PHC2: variants seen among roughly 807,000 people sequenced by gnomAD.
PHC2 encodes the protein polyhomeotic homolog 2, also known as polyhomeotic-like protein 2.
Under a neutral mutation model 87.4 loss-of-function variants are expected in PHC2, and 29 were observed. The ratio of observed to expected loss-of-function variants is 0.33; its 90% CI spans 0.25 to 0.45. The LOEUF (loss-of-function observed/expected upper bound fraction) is 0.45, where lower values mean the gene tolerates loss of function less well. PHC2 is among the 20% of genes least tolerant of loss of function. PHC2 has a pLI of 1.00. For synonymous variants in PHC2, 438 were observed against 461.7 expected, an observed-to-expected ratio of 0.95 and a Z score of 0.66; for missense variants, 857 against 1,136.7, an observed-to-expected ratio of 0.75 and a Z score of 3.54.
chr1:33,329,475 TAAG>T (rs1224521285), intron 13 of PHC2, among the ~76,000 whole-genome samples: 3 of 138,790 alleles, frequency 2.2e-5, no homozygotes, highest in African/African-American at 3.1e-5. Flanking sequence ...GGACCATTCT[TAAG>T]GAGGTTTAAG....
rs1204772882 is a variant in PHC2 at position 33,331,596 on chromosome 1, C to G, written c.1892-134G>C. 2.6e-5 allele frequency: 16 copies of G among 612,188 alleles called. No individual in the cohort carries two copies. Among genetic ancestry groups the G allele is most frequent in the Non-Finnish European group, 3.5e-5 (12 of 338,204 alleles). 37.9% of individuals were successfully genotyped at this position (612,188 alleles called of 1,614,324 possible). A position where few individuals can be genotyped will look rare whatever the true frequency, so the allele number is the denominator to read the frequency against. On this transcript the variant is annotated intron_variant, in intron 11 of 14. Coordinates refer to ENST00000683057, the MANE Select transcript of PHC2 (RefSeq NM_001385109.1). The surrounding 1 kb of genome is among the most constrained non-coding windows in gnomAD (Gnocchi z 5.2). ...CACAGCTGTGACATACAGCAGCATT[C>G]TAGCATGGAAAATGCCAGTGGTTCT...
At chr1:33,330,361 TTTGGG>T in intron 12 of PHC2, 149 bp from the exon 13 acceptor site, 1 of 828,852 alleles carries the variant, frequency 1.2e-6, no homozygotes, top group East Asian at 2.6e-5. Context: ...GCTGTGTGAC[TTTGGG>T]TTTAAGTCAC....
At chr1:33,370,091 A>G (rs1647727617) in intron 5 of PHC2, among the ~76,000 whole-genome samples, 1 of 152,066 alleles carries the variant, frequency 6.6e-6, no homozygotes, top group South Asian at 2.1e-4. Context: ...GGTGTCCAGG[A>G]CCACCTGGGC....
At chr1:33,337,409 C>T (rs1646662466) in intron 9 of PHC2, among the ~76,000 whole-genome samples, 1 of 152,208 alleles carries the variant, frequency 6.6e-6, no homozygotes, top group African/African-American at 2.4e-5. Context: ...TCGTTCTGTT[C>T]CTTAAACTCA....
At chr1:33,326,807 CTG>C (rs1376311072) in intron 14 of PHC2, among the ~76,000 whole-genome samples, 1 of 152,056 alleles carries the variant, frequency 6.6e-6, no homozygotes, top group Non-Finnish European at 1.5e-5. Flanking sequence ...CAAAAATTAG[CTG>C]TGTGTGGTGG....
intron 7 of PHC2, among the ~76,000 whole-genome samples, chr1:33,356,261 ATATATATATATATATG>A (rs1371100063): frequency 2.3e-5 from 2 of 85,702 alleles, no homozygotes; most frequent in East Asian, 3.5e-4. Flanking sequence ...ATATATATAT[ATATATATATATATATG>A]TATATATATA....
chr1:33,353,737 C>G (rs1487740912), intron 9 of PHC2, among the ~76,000 whole-genome samples: 1 of 152,186 alleles, frequency 6.6e-6, no homozygotes, highest in African/African-American at 2.4e-5. Flanking sequence ...TCTGGGCCAA[C>G]AGTGCTGTGC....
chr1:33,407,012 A>T (rs995949751), intron 1 of PHC2, among the ~76,000 whole-genome samples: 3 of 152,188 alleles, frequency 2.0e-5, no homozygotes, highest in Non-Finnish European at 4.4e-5. Context: ...CTTCAGACTC[A>T]TCTTTCAGTT....
At chr1:33,359,022 G>A (rs1352123254) in intron 7 of PHC2, 2 of 152,224 alleles carry the variant, frequency 1.3e-5, no homozygotes, top group Admixed American at 6.5e-5. Context: ...GACATGGGGT[G>A]AGTGAGTTAC....
intron 1 of PHC2, among the ~76,000 whole-genome samples, chr1:33,405,560 T>A (rs1649726313): frequency 6.6e-6 from 1 of 152,170 alleles, no homozygotes; most frequent in Non-Finnish European, 1.5e-5. Flanking sequence ...TGTTTTCTAT[T>A]TCATTAATTC....
At position 33,354,824 on chromosome 1, in the gene PHC2, GC is replaced by G; in HGVS notation, c.1392+13del. ...CCCCGTGTGCTCCCTGGACCTTGGG[GC>G]TGGCTTACTCACCACTGGTGAAGCA... On this transcript the variant is annotated intron_variant, in intron 8 of 14. Coordinates refer to ENST00000683057, the MANE Select transcript of PHC2 (RefSeq NM_001385109.1). 6.2e-7 allele frequency: 1 copy of G among 1,609,090 alleles called. No individual in the cohort carries two copies. Among genetic ancestry groups the G allele is most frequent in the Non-Finnish European group, 8.5e-7 (1 of 1,176,952 alleles).
intron 1 of PHC2, among the ~76,000 whole-genome samples, chr1:33,397,947 G>A (rs1649361805): frequency 6.6e-6 from 1 of 152,008 alleles, no homozygotes; most frequent in Non-Finnish European, 1.5e-5. Context: ...ATACTCTTTT[G>A]AATCTTTTGG....
chr1:33,348,787 T>C lies in PHC2; in HGVS notation c.1558+5614A>G, dbSNP rs111576028. 5.0e-3 allele frequency among the ~76,000 whole-genome samples: 759 copies of C among 152,044 alleles called. 4 individuals are homozygous for C. Among genetic ancestry groups the C allele is most frequent in the Non-Finnish European group, 8.7e-3 (592 of 67,974 alleles). On this transcript the variant is annotated intron_variant, in intron 9 of 14. Transcript: ENST00000683057. ...AGCACATGAAGGTACATATCGTAGG[T>C]ATGGAGTAGGAAGGAAAGGAAAGTT...
intron 1 of PHC2, 114 bp from the exon 2 acceptor site, chr1:33,375,707 G>T: frequency 1.7e-6 from 1 of 601,732 alleles, no homozygotes; most frequent in Non-Finnish European, 2.7e-6. Flanking sequence ...CCAACCACAG[G>T]ATCAAAAATA....
At chr1:33,375,330 T>A (rs1489508444) in intron 2 of PHC2, 36 bp downstream of exon 2, 1 of 1,464,574 alleles carries the variant, frequency 6.8e-7, no homozygotes. Flanking sequence ...TGGAGATGAT[T>A]AAGGAGTATA....
intron 1 of PHC2, among the ~76,000 whole-genome samples, chr1:33,424,966 T>C (rs1184066566): frequency 2.0e-5 from 3 of 149,008 alleles, no homozygotes; most frequent in Admixed American, 1.3e-4. Flanking sequence ...TTATCAAGAA[T>C]TGAGTTTCAT....
At chr1:33,367,040 GA>G in intron 7 of PHC2, 75 bp downstream of exon 7, 1 of 1,274,202 alleles carries the variant, frequency 7.8e-7, no homozygotes, top group Non-Finnish European at 1.1e-6. Flanking sequence ...TGGGAAAAAG[GA>G]AAGTGTGAAA....
At chr1:33,373,372 C>T (rs912360913) in intron 2 of PHC2, among the ~76,000 whole-genome samples, 3 of 152,252 alleles carry the variant, frequency 2.0e-5, no homozygotes, top group Non-Finnish European at 2.9e-5. Flanking sequence ...CTACCCACCT[C>T]GGTCTCCCAA....
At chr1:33,400,255 A>C (rs1649467697) in intron 1 of PHC2, among the ~76,000 whole-genome samples, 1 of 152,238 alleles carries the variant, frequency 6.6e-6, no homozygotes, top group Non-Finnish European at 1.5e-5. Context: ...ATACTCTTTG[A>C]CCCAACAATT....
Sources: gnomAD v4.1 joint callset for allele counts (sites outside exome capture counted in the v4.1 genomes callset) on GRCh38, gnomAD v4.1.1 for gene constraint, Gnocchi (gnomAD v3.1) non-coding constraint, MANE v1.5 for transcripts, NCBI Gene and HGNC (gene_info 2026-07-23, HGNC 2026-07-21) for gene names.